Variants in SBF2 observed in about 807,000 individuals in gnomAD.
SBF2 encodes myotubularin-related protein 13.
In SBF2, 112 loss-of-function variants were observed where a neutral mutation model predicts 225.2. The ratio of observed to expected loss-of-function variants is 0.50; its 90% CI spans 0.43 to 0.58. SBF2 has a LOEUF of 0.58. Among genes scored for constraint, SBF2 ranks in the 20% least tolerant of loss-of-function variants. SBF2 has a pLI of 0.00. For missense variants in SBF2, 1,996 were observed against 2,206.2 expected, an observed-to-expected ratio of 0.90 and a Z score of 1.91; for synonymous variants, 763 against 773.3, an observed-to-expected ratio of 0.99 and a Z score of 0.22.
chr11:10,185,837 T>C (rs1956914817), intron 2 of SBF2, among the ~76,000 whole-genome samples: 1 of 152,108 alleles, frequency 6.6e-6, no homozygotes, highest in Non-Finnish European at 1.5e-5. Context: ...TTAGATAGTT[T>C]CCAACCTTTT....
At chr11:10,273,329 C>T (rs1289187211) in intron 1 of SBF2, among the ~76,000 whole-genome samples, 1 of 152,070 alleles carries the variant, frequency 6.6e-6, no homozygotes, top group Non-Finnish European at 1.5e-5. Flanking sequence ...TGTTTTTGAA[C>T]TCGAATTACT....
At position 9,839,545 on chromosome 11, in the gene SBF2, C is replaced by G; in HGVS notation, c.3408G>C (p.Glu1136Asp). The G allele has an allele frequency of 6.2e-7, 1 of 1,614,148 alleles. No individual in the cohort carries two copies. The highest frequency in any genetic ancestry group is 8.5e-7 in the Non-Finnish European group (1 of 1,180,012). ...ISGSSSRSRPEYFRITASNRM... is the reference protein window; with the variant it reads ...ISGSSSRSRPDYFRITASNRM... ...TGTTGGAGGCAGTAATTCTAAAATA[C>G]TCGGGTCTTGAACGGGAAGAGCTGC... Residue 1136 changes from glutamate to aspartate, a missense_variant, in exon 26 of 40, where the codon GAG (glutamate) becomes GAC (aspartate). By Grantham distance (45) the Glu-to-Asp change is conservative. Coordinates refer to ENST00000256190, the MANE Select transcript of SBF2 (RefSeq NM_030962.4).
At chr11:9,845,028 C>CA (rs201689784) in intron 24 of SBF2, among the ~76,000 whole-genome samples, 2 of 151,408 alleles carry the variant, frequency 1.3e-5, no homozygotes, top group Non-Finnish European at 2.9e-5. Context: ...TCAAATGGCT[C>CA]AAAAAAAATA....
intron 1 of SBF2, among the ~76,000 whole-genome samples, chr11:10,231,005 A>G (rs1958817179): frequency 6.6e-6 from 1 of 151,948 alleles, no homozygotes; most frequent in Admixed American, 6.6e-5. Context: ...GGCTTTGTTC[A>G]TTTCTTTTCA....
intron 2 of SBF2, among the ~76,000 whole-genome samples, chr11:10,101,772 C>A (rs1282401783): frequency 1.3e-5 from 2 of 151,928 alleles, no homozygotes; most frequent in African/African-American, 2.4e-5. Context: ...TAGTCTTAGG[C>A]TGCAGCAAAT....
At chr11:10,046,567 T>C (rs1024101027) in intron 2 of SBF2, among the ~76,000 whole-genome samples, 6 of 151,838 alleles carry the variant, frequency 4.0e-5, no homozygotes, top group South Asian at 2.1e-4. Flanking sequence ...CCAATACCTA[T>C]TGATGATAAA....
Position 9,939,297 on chromosome 11 carries a change from C to T in SBF2, c.1860+22660G>A, listed in dbSNP as rs1865106950. ...ATTTTAAGTAGAGACGGGGTTTCAC[C>T]ACCTTGGCCAGGCTGGTGTTGATCT... On this transcript the variant is annotated intron_variant, in intron 16 of 39. Transcript: ENST00000256190. Among the ~76,000 whole-genome samples the T allele has an allele frequency of 7.2e-5, 11 of 152,204 alleles. No homozygotes were observed. The South Asian group carries it at 2.3e-3, about 32-fold the overall frequency.
chr11:9,982,578 G>T (rs1947005140), intron 13 of SBF2, among the ~76,000 whole-genome samples: 3 of 152,276 alleles, frequency 2.0e-5, no homozygotes, highest in African/African-American at 7.2e-5. Context: ...GTGGATCATG[G>T]CAGATGGGAG....
At chr11:10,118,332 A>G (rs1953264587) in intron 2 of SBF2, among the ~76,000 whole-genome samples, 1 of 152,216 alleles carries the variant, frequency 6.6e-6, no homozygotes, top group Admixed American at 6.5e-5. Flanking sequence ...ACTAAAGTAC[A>G]ACAAAGAAAA....
At chr11:9,896,791 A>G (rs985321121) in intron 16 of SBF2, among the ~76,000 whole-genome samples, 4 of 150,586 alleles carry the variant, frequency 2.7e-5, no homozygotes, top group Admixed American at 2.6e-4. Context: ...TCCGTCTCAA[A>G]AAAAAAAAAA....
In SBF2 at chr11:10,018,573, C is replaced by T. The variant is rs924370077; in HGVS notation, c.619+9879G>A. ...GCATTTACATTCTTTATAGATAATT[C>T]AATGCAAAGATAGAGCTATTTAATA... On this transcript the variant is annotated intron_variant, in intron 6 of 39. Transcript: ENST00000256190. 4.2e-4 allele frequency among the ~76,000 whole-genome samples: 64 copies of T among 152,108 alleles called. 1 individual carries two copies. The highest frequency in any genetic ancestry group is 1.3e-4 in the Non-Finnish European group (9 of 67,982).
intron 16 of SBF2, among the ~76,000 whole-genome samples, chr11:9,938,616 A>G (rs1019798757): frequency 6.6e-5 from 10 of 152,224 alleles, no homozygotes; most frequent in African/African-American, 2.4e-4. Context: ...AATCCAATAC[A>G]TGACAAATAT....
intron 13 of SBF2, among the ~76,000 whole-genome samples, chr11:9,968,946 G>GT (rs1042053989): frequency 3.9e-5 from 6 of 152,016 alleles, no homozygotes; most frequent in Admixed American, 2.6e-4. Flanking sequence ...CAATTCACAA[G>GT]TTTTTTTCTT....
rs188375320 is a variant in SBF2, at chr11:9,805,777, C to A, written c.4443+2223G>T. Among the ~76,000 whole-genome samples, 266 of 152,264 alleles carry A rather than the reference C, an allele frequency of 1.7e-3. 1 individual carries two copies. The highest frequency in any genetic ancestry group is 2.6e-3 in the Non-Finnish European group (175 of 68,026). On this transcript the variant is annotated intron_variant, in intron 32 of 39. Transcript: ENST00000256190. ...AGCTGGGACTACAGGCGTGCGCCCC[C>A]ACGTCTGGCTGATTTTTTGTATTTT...
At chr11:10,196,866 A>ATATATATATATATATATATATTTTTTT in intron 1 of SBF2, among the ~76,000 whole-genome samples, 35 of 99,268 alleles carry the variant, frequency 3.5e-4, no homozygotes, top group Non-Finnish European at 6.1e-4. Context: ...ATATATATAT[A>ATATATATATATATATATATATTTTTTT]TTTTTTTTTT....
chr11:10,294,833 A>G (rs1439162650), upstream of SBF2, among the ~76,000 whole-genome samples: 1 of 152,018 alleles, frequency 6.6e-6, no homozygotes, highest in Non-Finnish European at 1.5e-5. Flanking sequence ...CATCCCCGGG[A>G]TCCTCCCGAA....
At chr11:10,257,794 C>T (rs10128701) in intron 1 of SBF2, among the ~76,000 whole-genome samples, 3,260 of 150,988 alleles carry the variant, frequency 0.022, 89 homozygotes, top group African/African-American at 0.065. Flanking sequence ...CCCAGGAATA[C>T]GAGACCAACC....
chr11:9,848,505 T>A (rs1046249828), intron 22 of SBF2, among the ~76,000 whole-genome samples: 8 of 152,048 alleles, frequency 5.3e-5, no homozygotes, highest in Admixed American at 1.3e-4. Flanking sequence ...TTACAGCAAT[T>A]TAAATGACCA....
chr11:10,290,139 T>G (rs894659733), intron 1 of SBF2, among the ~76,000 whole-genome samples: 3 of 152,158 alleles, frequency 2.0e-5, no homozygotes, highest in African/African-American at 7.2e-5. Context: ...ACTTAAAAAA[T>G]TAATCTTCCT....
Sources: gnomAD v4.1 joint callset for allele counts (sites outside exome capture counted in the v4.1 genomes callset) on GRCh38, gnomAD v4.1.1 for gene constraint, MANE v1.5 for transcripts, NCBI Gene and HGNC (gene_info 2026-07-23, HGNC 2026-07-21) for gene names.